The following RAB3GAP2 variants were observed in gnomAD, a reference collection of about 807,000 sequenced individuals.
RAB3GAP2 encodes the protein rab3 GTPase-activating protein non-catalytic subunit.
A neutral mutation model predicts 185.3 loss-of-function variants in RAB3GAP2; 87 were observed. That is an observed-to-expected ratio of 0.47 (90% CI 0.39 to 0.56). The LOEUF is 0.56. Ranked by LOEUF, RAB3GAP2 falls within the 20% of genes least tolerant of loss-of-function variation. The pLI is 0.00. For missense variants in RAB3GAP2, 1,492 were observed against 1,638.2 expected, an observed-to-expected ratio of 0.91 and a Z score of 1.54; for synonymous variants, 554 against 576.1, an observed-to-expected ratio of 0.96 and a Z score of 0.55.
chr1:220,187,484 GAACC>G (rs1658527500), intron 17 of RAB3GAP2, among the ~76,000 whole-genome samples: 1 of 152,120 alleles, frequency 6.6e-6, no homozygotes, highest in Non-Finnish European at 1.5e-5. Context: ...GTTACCAGTG[GAACC>G]AACCATGTAT....
Position 220,184,110 on chromosome 1 carries a change from G to C in RAB3GAP2, c.1924C>G (p.Leu642Val). ...LLQFCANKLK[L>V]LQLYESVSQL... ...CTGACAGACTCATAGAGTTGCAGCA[G>C]TTTTAGTTTATTGGCACAAAACTGT... is the stretch of plus-strand genomic sequence containing the variant. The change falls in exon 19 of 35, where the codon CTG becomes GTG. Residue 642 changes from leucine (L) to valine (V), a missense_variant. Leu to Val is a conservative substitution (Grantham distance 32). Transcript: ENST00000358951. The C allele has an allele frequency of 6.2e-7, 1 of 1,609,676 alleles. No homozygotes were observed. Among genetic ancestry groups the C allele is most frequent in the Non-Finnish European group, 8.5e-7 (1 of 1,176,254 alleles).
Position 220,210,569 on chromosome 1 carries a change from A to G in RAB3GAP2, c.511-80T>C, listed in dbSNP as rs1007220399. 19 of 1,156,000 alleles carry G rather than the reference A, an allele frequency of 1.6e-5. No homozygotes were observed. In the Admixed American group the frequency reaches 3.2e-4, roughly 20 times the overall value. The allele number at this position is 1,156,000 out of a possible 1,614,324, so 71.6% of individuals were successfully genotyped here. A position where few individuals can be genotyped will look rare whatever the true frequency, so the allele number is the denominator to read the frequency against. ...CAGGTATGGCCAGGCAAAGAGTACC[A>G]TTTCCCCAACAGTTTTCCAGAGATA... On this transcript the variant is annotated intron_variant, in intron 6 of 34. Transcript: ENST00000358951.
At chr1:220,267,952 G>A in intron 1 of RAB3GAP2, 1 of 621,928 alleles carries the variant, frequency 1.6e-6, no homozygotes. Context: ...TCTTCCAAGA[G>A]CTCAGCCCAA....
intron 17 of RAB3GAP2, among the ~76,000 whole-genome samples, chr1:220,189,027 T>C (rs1015018055): frequency 6.6e-6 from 1 of 151,844 alleles, no homozygotes; most frequent in African/African-American, 2.4e-5. Context: ...GACGTAACTA[T>C]AAAGTAAAGA....
chr1:220,204,568 T>G lies in RAB3GAP2; in HGVS notation c.712+1339A>C, dbSNP rs548527587. On this transcript the variant is annotated intron_variant, in intron 8 of 34. Coordinates refer to ENST00000358951, the MANE Select transcript of RAB3GAP2 (RefSeq NM_012414.4). ...ATCCCAAAAGAAAAGGGGAAGTTAG[T>G]GCTACTAATATTTTCACTGATTTTT... is the stretch of plus-strand genomic sequence containing the variant. Among the ~76,000 whole-genome samples the G allele has an allele frequency of 3.9e-5, 6 of 152,186 alleles. No individual in the cohort carries two copies. The South Asian group carries it at 1.2e-3, about 32-fold the overall frequency.
In RAB3GAP2 at chr1:220,148,482, C is replaced by A. The variant is rs886046006; in HGVS notation, c.*2769G>T. 2 of 152,172 alleles carry A rather than the reference C, an allele frequency of 1.3e-5. No individual in the cohort carries two copies. The highest frequency in any genetic ancestry group is 2.9e-5 in the Non-Finnish European group (2 of 68,000). 9.4% of individuals were successfully genotyped at this position (152,172 alleles called of 1,614,324 possible). ...ATTCTATTCAGCAGGAATCTAACTT[C>A]TAGACACCCAGCAAACCCATTCCTA... On this transcript the variant is annotated 3_prime_UTR_variant, in exon 35 of 35. Coordinates refer to ENST00000358951, the MANE Select transcript of RAB3GAP2 (RefSeq NM_012414.4).
At chr1:220,160,736 T>C (rs1657949931) in intron 28 of RAB3GAP2, among the ~76,000 whole-genome samples, 3 of 152,234 alleles carry the variant, frequency 2.0e-5, no homozygotes, top group South Asian at 2.1e-4. Flanking sequence ...GGTATATATA[T>C]AGGCATCCAC....
chr1:220,269,066 T>G (rs996807184), intron 1 of RAB3GAP2, among the ~76,000 whole-genome samples: 1 of 152,220 alleles, frequency 6.6e-6, no homozygotes, highest in East Asian at 1.9e-4. Context: ...CAGGATGATA[T>G]GATTGAGAAC....
At position 220,272,243 on chromosome 1, in the gene RAB3GAP2, C is replaced by A; in HGVS notation, c.95G>T (p.Gly32Val). The change falls in exon 1 of 35, where the codon GGC becomes GTC. Residue 32 changes from glycine (G) to valine (V), a missense_variant. This residue lies in a region of RAB3GAP2 where 177 missense variants were observed against 160.6 expected (regional missense o/e 1.10). Coordinates refer to ENST00000358951, the MANE Select transcript of RAB3GAP2 (RefSeq NM_012414.4). Reference sequence around the variant, plus strand: ...CTTACTGGGGTCCCTCCGCAAGGCGCCGCTGAGGATCTCCTCCCGCAGGTG... The same window carrying A: ...CTTACTGGGGTCCCTCCGCAAGGCGACGCTGAGGATCTCCTCCCGCAGGTG... ...FPHLREEILS[G>V]ALRRDPSKST... is the part of the protein sequence containing the mutation. 6.2e-7 allele frequency: 1 copy of A among 1,609,032 alleles called. No homozygotes were observed. The highest frequency in any genetic ancestry group is 8.5e-7 in the Non-Finnish European group (1 of 1,178,536).
intron 1 of RAB3GAP2, among the ~76,000 whole-genome samples, chr1:220,249,602 T>G (rs1466120418): frequency 6.6e-6 from 1 of 152,190 alleles, no homozygotes. Flanking sequence ...ATCCAAATGT[T>G]AATCACCAAG....
chr1:220,167,409 A>G lies in RAB3GAP2; in HGVS notation c.2981-10T>C. ...GCTAAATGCAGTAAGTCTGAAAGTC[A>G]GAAGAAAGCAGTGATGTTATTTTTT... is the stretch of plus-strand genomic sequence containing the variant. On this transcript the variant is annotated splice_polypyrimidine_tract_variant and intron_variant, in intron 25 of 34. Transcript: ENST00000358951. The G allele has an allele frequency of 6.2e-7, 1 of 1,613,858 alleles. No homozygotes were observed. Among genetic ancestry groups the G allele is most frequent in the Non-Finnish European group, 8.5e-7 (1 of 1,179,696 alleles).
chr1:220,157,232 A>C (rs774265384), intron 31 of RAB3GAP2, 38 bp downstream of exon 31: 1 of 1,551,606 alleles, frequency 6.4e-7, no homozygotes, highest in South Asian at 1.1e-5. Context: ...CTAAGCCTGC[A>C]ACTCCAAAAT....
intron 8 of RAB3GAP2, among the ~76,000 whole-genome samples, chr1:220,204,497 A>C (rs922605169): frequency 3.3e-5 from 5 of 152,150 alleles, no homozygotes; most frequent in Non-Finnish European, 1.5e-5. Context: ...TTAATTTTTC[A>C]CCAAAGTTAA....
rs3767655 is a variant in RAB3GAP2 at position 220,157,956 on chromosome 1, C to G, written c.3262-80G>C. On this transcript the variant is annotated intron_variant, in intron 29 of 34. Transcript: ENST00000358951. ...TGTCAGCCAAACAAGAACCAGGATA[C>G]AATACACTGGTTCAGCTGACTTTCC... 93,742 of 1,061,048 alleles carry G rather than the reference C, an allele frequency of 0.088. 4,730 individuals are homozygous for G. The highest frequency in any genetic ancestry group is 0.13 in the South Asian group (10,009 of 75,792). 65.7% of individuals were successfully genotyped at this position (1,061,048 alleles called of 1,614,324 possible). A position where few individuals can be genotyped will look rare whatever the true frequency, so the allele number is the denominator to read the frequency against.
chr1:220,188,506 T>C (rs1208084749), intron 17 of RAB3GAP2, among the ~76,000 whole-genome samples: 1 of 152,090 alleles, frequency 6.6e-6, no homozygotes, highest in Non-Finnish European at 1.5e-5. Flanking sequence ...GGTGACCATA[T>C]TATAACCACG....
intron 17 of RAB3GAP2, among the ~76,000 whole-genome samples, chr1:220,188,968 G>A (rs868410797): frequency 6.6e-6 from 1 of 152,056 alleles, no homozygotes; most frequent in Non-Finnish European, 1.5e-5. Flanking sequence ...TATAAAGTTT[G>A]AAAAGGCAGG....
At chr1:220,263,897 T>C (rs1303254077) in intron 1 of RAB3GAP2, among the ~76,000 whole-genome samples, 1 of 152,078 alleles carries the variant, frequency 6.6e-6, no homozygotes, top group Non-Finnish European at 1.5e-5. Flanking sequence ...CCCAAAAGAA[T>C]TTTTTAGTAT....
At position 220,149,600 on chromosome 1, in the gene RAB3GAP2, A is replaced by T. The variant is rs1657704869; in HGVS notation, c.*1651T>A. On this transcript the variant is annotated 3_prime_UTR_variant, in exon 35 of 35. Transcript: ENST00000358951. ...ACACAGAGCCAGATATGTTTACAAG[A>T]ATTCTAGGATGTGTGTGGCTGGGGC... 1 of 152,200 alleles carries T rather than the reference A, an allele frequency of 6.6e-6. No homozygotes were observed. The allele number at this position is 152,200 out of a possible 1,614,324, so 9.4% of individuals were successfully genotyped here.
At chr1:220,188,938 A>C (rs1658556264) in intron 17 of RAB3GAP2, among the ~76,000 whole-genome samples, 1 of 152,232 alleles carries the variant, frequency 6.6e-6, no homozygotes, top group South Asian at 2.1e-4. Context: ...CACAGAAGAC[A>C]TAGGGCATGA....
Sources: gnomAD v4.1 joint callset for allele counts (sites outside exome capture counted in the v4.1 genomes callset) on GRCh38, gnomAD v4.1.1 for gene constraint, gnomAD v4.1.1 regional missense constraint, MANE v1.5 for transcripts, NCBI Gene and HGNC (gene_info 2026-07-23, HGNC 2026-07-21) for gene names.